RNF123: variants seen among roughly 807,000 people sequenced by gnomAD.
The protein encoded by RNF123 is E3 ubiquitin-protein ligase RNF123.
RNF123 carries 86 observed loss-of-function variants against 168.5 expected under a neutral mutation model. The observed-to-expected ratio is 0.51, with a 90% CI of 0.43 to 0.61. RNF123 has a LOEUF of 0.61. RNF123 is among the 20% of genes least tolerant of loss of function. The probability of loss-of-function intolerance (pLI) is 0.00; values close to 1 mark genes in which losing one functional copy is unlikely to be tolerated. For synonymous variants in RNF123, 666 were observed against 689.1 expected (o/e 0.97, Z 0.52); for missense variants, 1,419 against 1,729.7 (o/e 0.82, Z 3.19).
intron 26 of RNF123, 44 bp from the exon 27 acceptor site, chr3:49,712,435 C>G: frequency 3.1e-6 from 5 of 1,603,666 alleles, no homozygotes; most frequent in Non-Finnish European, 4.3e-6. Context: ...CCCCCAAGAC[C>G]CCACTGGTGC....
intron 28 of RNF123, 51 bp from the exon 29 acceptor site, chr3:49,713,686 TG>T: frequency 6.4e-7 from 1 of 1,572,926 alleles, no homozygotes; most frequent in East Asian, 2.3e-5. Context: ...GCATGAAGTA[TG>T]GGTCCAGGGC....
In RNF123 at chr3:49,718,427, C is replaced by T. The variant is rs1408855629; in HGVS notation, c.3500+1950C>T. 6 of 1,613,008 alleles carry T rather than the reference C, an allele frequency of 3.7e-6. No homozygotes were observed. The highest frequency in any genetic ancestry group is 1.1e-5 in the South Asian group (1 of 91,062). Reference sequence around the variant, plus strand: ...GTGGCCAGGCACACGAAGAGTCCCGCATGCTGCTCCTGTACGTTGCCTATG... The same window carrying T: ...GTGGCCAGGCACACGAAGAGTCCCGTATGCTGCTCCTGTACGTTGCCTATG... On this transcript the variant is annotated intron_variant, in intron 35 of 38. Transcript: ENST00000327697.
chr3:49,714,079 C>T lies in RNF123; in HGVS notation c.2926-11C>T, dbSNP rs2080195107. 1.9e-6 allele frequency: 3 copies of T among 1,613,940 alleles called. No individual in the cohort carries two copies. The South Asian group carries it at 3.3e-5, about 18-fold the overall frequency. ...TCCCATTGACCTGGGCACTGACCCC[C>T]ACCTCCACAGGGCTGTGGCTTCGGG... On this transcript the variant is annotated splice_polypyrimidine_tract_variant and intron_variant, in intron 30 of 38. Transcript: ENST00000327697.
Position 49,715,356 on chromosome 3 carries a change from G to C in RNF123, c.3011-219G>C, listed in dbSNP as rs145834718. The C allele has an allele frequency of 8.5e-4, 513 of 604,858 alleles. 4 individuals carry two copies. In the East Asian group the frequency reaches 0.012, roughly 14 times the overall value. The allele number at this position is 604,858 out of a possible 1,614,324, so 37.5% of individuals were successfully genotyped here. On this transcript the variant is annotated intron_variant, in intron 31 of 38. Transcript: ENST00000327697. The stretch of plus-strand genomic sequence containing the variant: ...TGGTGTGGTGTCAGGGCTGGACACA[G>C]CTGCAGCCTGGGGCTTGCCTAGTAG...
At chr3:49,718,898 G>A in intron 35 of RNF123, 1 of 1,613,692 alleles carries the variant, frequency 6.2e-7, no homozygotes. Flanking sequence ...TTGGAGGAGA[G>A]GTCCAGAGTA....
rs1255180193 is a variant in RNF123 at position 49,714,039 on chromosome 3, G to A, written c.2925+42G>A. The A allele has an allele frequency of 1.9e-6, 3 of 1,613,690 alleles. No homozygotes were observed. In the Admixed American group the frequency reaches 5.0e-5, roughly 27 times the overall value. On this transcript the variant is annotated intron_variant, in intron 30 of 38. Transcript: ENST00000327697. ...GGGAAGTGGCTGAGGCTGGCTGGAG[G>A]GAGAGGGTGCGCTGTCCCATTGACC...
rs2054311555 is a variant in RNF123, at chr3:49,698,449, G to A, written c.493G>A (p.Gly165Arg). ...SCRFNQEEGV[G>R]DTHNSYAYDG... The stretch of plus-strand genomic sequence containing the variant: ...GGCATTTCCTCCCTAGGAGGGGGTT[G>A]GAGATACACACAACTCCTATGCCTA... Residue 165 changes from glycine to arginine, a missense_variant, in exon 8 of 39, where the codon GGA becomes AGA. Coordinates refer to ENST00000327697, the MANE Select transcript of RNF123 (RefSeq NM_022064.5). The A allele has an allele frequency of 6.2e-7, 1 of 1,613,798 alleles. No individual in the cohort carries two copies. Among genetic ancestry groups the A allele is most frequent in the Non-Finnish European group, 8.5e-7 (1 of 1,179,974 alleles).
At chr3:49,718,188 G>C in intron 35 of RNF123, 2 of 1,613,072 alleles carry the variant, frequency 1.2e-6, no homozygotes, top group Non-Finnish European at 1.7e-6. Flanking sequence ...TCAGCTCTTG[G>C]AGCGGGCTGG....
At chr3:49,716,288 C>A in intron 34 of RNF123, 105 bp from the exon 35 acceptor site, 1 of 1,548,094 alleles carries the variant, frequency 6.5e-7, no homozygotes, top group South Asian at 1.1e-5. Context: ...ACTTGGTGCT[C>A]TGCAGTCTCG....
rs751028744 is a variant in RNF123, at chr3:49,702,657, G to T, written c.1654G>T (p.Glu552Ter). The change falls in exon 20 of 39, where the codon GAG (glutamate) becomes TAG (stop). Residue 552 changes from glutamate to a stop codon, truncating the protein, a stop_gained. Coordinates refer to ENST00000327697, the MANE Select transcript of RNF123 (RefSeq NM_022064.5). LOFTEE classifies it high-confidence loss of function. Reference protein sequence around the residue: ...RGNMPMLCPPEYMVCFLHRLI... With the variant: ...RGNMPMLCPP ...GAACATGCCCATGCTCTGCCCCCCT[G>T]AGTACATGGTCTGCTTCTTACACCG... 2 of 1,614,212 alleles carry T rather than the reference G, an allele frequency of 1.2e-6. No individual in the cohort carries two copies. Among genetic ancestry groups the T allele is most frequent in the Admixed American group, 3.3e-5 (2 of 60,026 alleles).
At chr3:49,697,304 C>T (rs1211988147) in intron 4 of RNF123, 59 bp from the exon 5 acceptor site, 12 of 1,586,436 alleles carry the variant, frequency 7.6e-6, no homozygotes, top group East Asian at 2.2e-5. Context: ...GAGCTCAGGA[C>T]ACCCTATGCA....
At chr3:49,716,761 G>T in intron 35 of RNF123, 1 of 425,432 alleles carries the variant, frequency 2.4e-6, no homozygotes, top group African/African-American at 2.0e-5. Context: ...CAGGACTCCG[G>T]AGGGTGTGCC....
At chr3:49,715,064 G>A (rs993019441) in intron 31 of RNF123, among the ~76,000 whole-genome samples, 1 of 152,256 alleles carries the variant, frequency 6.6e-6, no homozygotes, top group Non-Finnish European at 1.5e-5. Flanking sequence ...GCAGCTGAGG[G>A]CTCCGGTTAC....
chr3:49,706,673 G>A (rs550205603), intron 25 of RNF123, 118 bp from the exon 26 acceptor site: 4 of 837,572 alleles, frequency 4.8e-6, no homozygotes, highest in East Asian at 2.5e-5. Context: ...GAAAAATGGA[G>A]CCCAATCCCT....
chr3:49,697,320 T>C, intron 4 of RNF123, 43 bp from the exon 5 acceptor site: 2 of 1,599,890 alleles, frequency 1.3e-6, no homozygotes, highest in Non-Finnish European at 1.7e-6. Context: ...ATGCATCCTG[T>C]CAAATGCTCC....
chr3:49,720,505 A>G lies in RNF123; in HGVS notation c.3501-6A>G, dbSNP rs375331414. ...TCTGACTGCCCTTGCACCCTCCCCT[A>G]CCTAGGAGAGAGCAAGCCACATCAG... On this transcript the variant is annotated splice_polypyrimidine_tract_variant and splice_region_variant and intron_variant, in intron 35 of 38. Transcript: ENST00000327697. The G allele has an allele frequency of 3.8e-6, 6 of 1,570,276 alleles. No individual in the cohort carries two copies. In the African/African-American group the frequency reaches 4.1e-5, roughly 11 times the overall value.
intron 35 of RNF123, 25 bp from the exon 36 acceptor site, chr3:49,720,486 T>C: frequency 6.6e-7 from 1 of 1,521,950 alleles, no homozygotes; most frequent in Non-Finnish European, 8.8e-7. Context: ...GCCTTCTGAC[T>C]GCCCTTGCAC....
Position 49,700,228 on chromosome 3 carries a change from G to T in RNF123, c.986G>T (p.Arg329Leu), listed in dbSNP as rs551117534. ...CACCAGTGCCTGGCCTTGGTGCAGC[G>T]CAAGGTGTATCTGGTGGAGGCTGTG... ...HIFHHFAPLLRKVYLVEAVLM... is the reference protein window; with the variant it reads ...HIFHHFAPLLLKVYLVEAVLM... The change falls in exon 13 of 39, where the codon CGC becomes CTC. Residue 329 changes from arginine (R) to leucine (L), a missense_variant and splice_region_variant. By Grantham distance (102) the Arg-to-Leu change is moderately radical. Coordinates refer to ENST00000327697, the MANE Select transcript of RNF123 (RefSeq NM_022064.5). 2 of 1,614,024 alleles carry T rather than the reference G, an allele frequency of 1.2e-6. No individual in the cohort carries two copies. The highest frequency in any genetic ancestry group is 1.7e-5 in the Admixed American group (1 of 60,000).
chr3:49,698,435 C>T lies in RNF123; in HGVS notation c.484-5C>T. On this transcript the variant is annotated splice_polypyrimidine_tract_variant and splice_region_variant and intron_variant, in intron 7 of 38. Transcript: ENST00000327697. ...CCAGGGACCTCATAGGCATTTCCTCCCTAGGAGGGGGTTGGAGATACACAC... is the reference window on the plus strand; with the variant it reads ...CCAGGGACCTCATAGGCATTTCCTCTCTAGGAGGGGGTTGGAGATACACAC... 12 of 1,613,372 alleles carry T rather than the reference C, an allele frequency of 7.4e-6. No homozygotes were observed. The highest frequency in any genetic ancestry group is 9.3e-6 in the Non-Finnish European group (11 of 1,179,770).
Sources: allele counts gnomAD v4.1 joint callset (sites outside exome capture counted in the v4.1 genomes callset), GRCh38; gene constraint gnomAD v4.1.1; transcripts MANE v1.5; gene names NCBI Gene and HGNC (gene_info 2026-07-23, HGNC 2026-07-21).